MYOF: variants seen among roughly 807,000 people sequenced by gnomAD.
MYOF encodes the protein fer-1-like 3, myoferlin.
MYOF carries 244 observed loss-of-function variants against 284.2 expected under a neutral mutation model. The ratio of observed to expected loss-of-function variants is 0.86; its 90% confidence interval spans 0.77 to 0.95. MYOF has a LOEUF of 0.95. Ranked by LOEUF, MYOF falls within the 40% of genes least tolerant of loss-of-function variation. The pLI is 0.00. For missense variants in MYOF, 2,496 were observed against 2,560.6 expected (o/e 0.97, Z 0.54); for synonymous variants, 904 against 919.7 (o/e 0.98, Z 0.31).
chr10:93,351,711 T>C lies in MYOF; in HGVS notation c.3617A>G (p.Gln1206Arg). The change falls in exon 33 of 54, where the codon CAG becomes CGG. Residue 1206 changes from glutamine (Q) to arginine (R), a missense_variant. By Grantham distance (43) the Gln-to-Arg change is conservative. Transcript: ENST00000359263. The stretch of plus-strand genomic sequence containing the variant: ...TTCCATGATAACTTTGGGTGGATTC[T>C]GTAGAACTGTTTGGGGTTCCCCATA... ...EIYGEPQTVLQNPPKVIMELF... is the reference protein window; with the variant it reads ...EIYGEPQTVLRNPPKVIMELF... 1 of 1,597,564 alleles carries C rather than the reference T, an allele frequency of 6.3e-7. No individual in the cohort carries two copies. The highest frequency in any genetic ancestry group is 1.1e-5 in the South Asian group (1 of 87,580).
In MYOF at chr10:93,306,745, A is replaced by AGTTT. The variant is rs1589361187; in HGVS notation, c.*217_*218insAAAC. ...AAAAACATGATTTAAACTTTAGAAA[A>AGTTT]TAAAACTTTTAATACTTAAGAGATA... On this transcript the variant is annotated 3_prime_UTR_variant, in exon 54 of 54. Coordinates refer to ENST00000359263, the MANE Select transcript of MYOF (RefSeq NM_013451.4). The AGTTT allele has an allele frequency of 1.4e-5, 7 of 492,402 alleles. 1 individual carries two copies. The East Asian group carries it at 2.5e-4, about 17-fold the overall frequency. The allele number at this position is 492,402 out of a possible 1,614,324, so 30.5% of individuals were successfully genotyped here. A position where few individuals can be genotyped will look rare whatever the true frequency, so the allele number is the denominator to read the frequency against.
At chr10:93,402,025 C>A (rs1847319856) in intron 11 of MYOF, among the ~76,000 whole-genome samples, 1 of 152,262 alleles carries the variant, frequency 6.6e-6, no homozygotes, top group East Asian at 1.9e-4. Flanking sequence ...CAATTAAATG[C>A]TCACTCATAG....
chr10:93,313,435 CTCAAAGATATGAGCATAAACAGAGTTCT>C (rs1842482819), intron 50 of MYOF, among the ~76,000 whole-genome samples: 1 of 152,194 alleles, frequency 6.6e-6, no homozygotes, highest in African/African-American at 2.4e-5. Flanking sequence ...TGTTTTCTTT[CTCAAAGATATGAGCATAAACAGAGTTCT>C]TTAAACTCAA....
At chr10:93,454,986 TTAAA>T (rs566867549) in intron 2 of MYOF, among the ~76,000 whole-genome samples, 34,059 of 84,028 alleles carry the variant, frequency 0.41, 6,469 homozygotes, top group Non-Finnish European at 0.49. Flanking sequence ...CTTTTTTTAA[TTAAA>T]AAAAAAAAAA....
intron 7 of MYOF, among the ~76,000 whole-genome samples, chr10:93,405,005 C>T (rs1847488521): frequency 1.3e-5 from 2 of 152,188 alleles, no homozygotes; most frequent in East Asian, 1.9e-4. Flanking sequence ...ACTTTTTCCT[C>T]CAACTTTTTA....
chr10:93,353,195 A>T (rs1844607212), intron 32 of MYOF, among the ~76,000 whole-genome samples: 1 of 152,104 alleles, frequency 6.6e-6, no homozygotes, highest in Non-Finnish European at 1.5e-5. Context: ...AGCGGCAAGG[A>T]CTCAAATCCC....
intron 5 of MYOF, among the ~76,000 whole-genome samples, chr10:93,418,895 C>T (rs146524326): frequency 6.6e-6 from 1 of 152,314 alleles, no homozygotes; most frequent in East Asian, 1.9e-4. Context: ...GTTTACTAGA[C>T]AAAGCCACTT....
chr10:93,361,519 A>G lies in MYOF; in HGVS notation c.2907T>C (p.Cys969=). ...CATCTTCCCATTCCCAACCTGGAGG[A>G]CAAGTCAACTCGCTGGGTGATGCTG... ...DKAASPSELT[C]PPGWEWEDDA... The change falls in exon 28 of 54, where the codon TGT becomes TGC. Residue 969 remains cysteine, a synonymous_variant. Transcript: ENST00000359263. 6.2e-7 allele frequency: 1 copy of G among 1,614,220 alleles called. No individual in the cohort carries two copies. The highest frequency in any genetic ancestry group is 1.3e-5 in the African/African-American group (1 of 75,054).
intron 4 of MYOF, among the ~76,000 whole-genome samples, chr10:93,426,917 T>C (rs1848615866): frequency 7.9e-6 from 1 of 126,902 alleles, no homozygotes; most frequent in Non-Finnish European, 1.6e-5. Context: ...AGACAGAGTC[T>C]CACTCTGTCG....
rs535486923 is a variant in MYOF at position 93,313,104 on chromosome 10, G to C, written c.5805C>G (p.Ala1935=). The change falls in exon 51 of 54, where the codon GCC becomes GCG. Residue 1935 remains alanine (A), a synonymous_variant. Coordinates refer to ENST00000359263, the MANE Select transcript of MYOF (RefSeq NM_013451.4). Reference sequence around the variant, plus strand: ...TCTGCTCAAAGAGGGAGGCTGTCTTGGCTTTAAGGGGGTTCATGGCTTTGA... The same window carrying C: ...TCTGCTCAAAGAGGGAGGCTGTCTTCGCTTTAAGGGGGTTCATGGCTTTGA... ...PDLKAMNPLK[A]KTASLFEQKS... 2 of 1,614,068 alleles carry C rather than the reference G, an allele frequency of 1.2e-6. No homozygotes were observed. Among genetic ancestry groups the C allele is most frequent in the South Asian group, 2.2e-5 (2 of 91,058 alleles).
rs754155823 is a variant in MYOF, at chr10:93,310,013, C to T, written c.6147+7G>A. 3.7e-6 allele frequency: 6 copies of T among 1,614,046 alleles called. No homozygotes were observed. In the Admixed American group the frequency reaches 8.3e-5, roughly 22 times the overall value. ...GCCAAGACAAGGGGCCAAGGAAGGG[C>T]TCCTACCGGCAAAGAGTAGAGGAGC... On this transcript the variant is annotated splice_region_variant and intron_variant, in intron 53 of 53. Coordinates refer to ENST00000359263, the MANE Select transcript of MYOF (RefSeq NM_013451.4).
chr10:93,374,816 T>A lies in MYOF; in HGVS notation c.2248A>T (p.Thr750Ser). 2 of 1,614,190 alleles carry A rather than the reference T, an allele frequency of 1.2e-6. No homozygotes were observed. The highest frequency in any genetic ancestry group is 1.7e-6 in the Non-Finnish European group (2 of 1,180,024). The change falls in exon 23 of 54, where the codon ACA becomes TCA. Residue 750 changes from threonine (T) to serine (S), a missense_variant. Transcript: ENST00000359263. ...MRSEATDVKS[T>S]LAEIEDWLDK... ...AGCCAGTCCTCAATTTCTGCCAGTG[T>A]GGACTTCACATCTGTGGCTTCCGAC...
intron 46 of MYOF, among the ~76,000 whole-genome samples, chr10:93,323,948 A>T (rs777282252): frequency 3.3e-5 from 5 of 152,250 alleles, no homozygotes; most frequent in Non-Finnish European, 7.3e-5. Context: ...TTTTCAAAAG[A>T]GGAGCTCAAA....
In MYOF at chr10:93,420,298, A is replaced by G. The variant is rs545950764; in HGVS notation, c.433+5773T>C. ...TAGTTTCTTCCAGCTACGGGAATGT[A>G]GGCTCCAGTTAAGCAGACTGACATC... On this transcript the variant is annotated intron_variant, in intron 5 of 53. Coordinates refer to ENST00000359263, the MANE Select transcript of MYOF (RefSeq NM_013451.4). Among the ~76,000 whole-genome samples the G allele has an allele frequency of 7.9e-5, 12 of 152,332 alleles. No individual in the cohort carries two copies. The East Asian group carries it at 2.3e-3, about 29-fold the overall frequency.
At chr10:93,340,107 G>C in intron 39 of MYOF, 46 bp downstream of exon 39, 1 of 1,607,956 alleles carries the variant, frequency 6.2e-7, no homozygotes, top group Non-Finnish European at 8.5e-7. Context: ...ATTCTGGGCA[G>C]AAAATACATG....
intron 5 of MYOF, among the ~76,000 whole-genome samples, chr10:93,413,386 C>T (rs973822146): frequency 5.3e-5 from 8 of 152,160 alleles, no homozygotes; most frequent in South Asian, 2.1e-4. Flanking sequence ...AACAATGGTA[C>T]GGGCTCCACA....
At chr10:93,461,604 A>G (rs2056884966) in intron 1 of MYOF, among the ~76,000 whole-genome samples, 1 of 152,162 alleles carries the variant, frequency 6.6e-6, no homozygotes, top group South Asian at 2.1e-4. Flanking sequence ...TCCAGTAGAC[A>G]CAATAGGGTG....
chr10:93,429,432 C>T (rs920408677), intron 4 of MYOF, among the ~76,000 whole-genome samples: 6 of 152,174 alleles, frequency 3.9e-5, no homozygotes, highest in African/African-American at 7.2e-5. Context: ...TCCACTGAAT[C>T]ACAACAGTTC....
At chr10:93,410,631 C>T (rs1029630046) in intron 5 of MYOF, among the ~76,000 whole-genome samples, 9 of 152,138 alleles carry the variant, frequency 5.9e-5, no homozygotes, top group African/African-American at 1.2e-4. Flanking sequence ...CTTTTATTCA[C>T]GAGCTCTTTG....
Sources: allele counts gnomAD v4.1 joint callset (sites outside exome capture counted in the v4.1 genomes callset), GRCh38; gene constraint gnomAD v4.1.1; transcripts MANE v1.5; gene names NCBI Gene and HGNC (gene_info 2026-07-23, HGNC 2026-07-21).